UNC5A: variants seen among roughly 807,000 people sequenced by gnomAD.
UNC5A encodes netrin receptor UNC5A.
A neutral mutation model predicts 87.4 loss-of-function variants in UNC5A; 20 were observed. That is an observed-to-expected ratio of 0.23 (90% CI 0.16 to 0.33). UNC5A has a LOEUF of 0.33. Ranked by LOEUF, UNC5A falls within the 10% of genes least tolerant of loss-of-function variation. UNC5A has a pLI of 1.00. For missense variants in UNC5A, 844 were observed against 1,133.4 expected (o/e 0.74, Z 3.67); for synonymous variants, 438 against 482.3 (o/e 0.91, Z 1.20).
At position 176,843,295 on chromosome 5, in the gene UNC5A, C is replaced by T. The variant is rs495362; in HGVS notation, c.71-19329C>T. On this transcript the variant is annotated intron_variant, in intron 1 of 14. Transcript: ENST00000329542. ...GGGGCACTGCCCAGCAGGGGAAGGACGCTGCCGTGGGTTCAGGCCACTCAG... is the reference window on the plus strand; with the variant it reads ...GGGGCACTGCCCAGCAGGGGAAGGATGCTGCCGTGGGTTCAGGCCACTCAG... 8.2e-3 allele frequency among the ~76,000 whole-genome samples: 1,246 copies of T among 152,336 alleles called. 15 individuals carry two copies. The highest frequency in any genetic ancestry group is 0.028 in the African/African-American group (1,160 of 41,576).
chr5:176,867,402 C>G (rs1414358354), intron 2 of UNC5A, among the ~76,000 whole-genome samples: 1 of 152,136 alleles, frequency 6.6e-6, no homozygotes, highest in Non-Finnish European at 1.5e-5. Flanking sequence ...GTCCTAGACC[C>G]CCAGCTCCCC....
chr5:176,855,414 TGG>T (rs1452849887), intron 1 of UNC5A, among the ~76,000 whole-genome samples: 1 of 151,972 alleles, frequency 6.6e-6, no homozygotes, highest in Non-Finnish European at 1.5e-5. Context: ...TTGGTGGGGA[TGG>T]GAGAGGGGGA....
Position 176,824,873 on chromosome 5 carries a change from C to G in UNC5A, c.70+14053C>G, listed in dbSNP as rs963291313. The stretch of plus-strand genomic sequence containing the variant: ...TCCGTATCCCCCACCCCATGCACCC[C>G]CAGTGCCTGCGCACTGCCCTCTCTT... On this transcript the variant is annotated intron_variant, in intron 1 of 14. Coordinates refer to ENST00000329542, the MANE Select transcript of UNC5A (RefSeq NM_133369.3). This position sits in a 1 kb window ranked among gnomAD's most constrained non-coding sequence, Gnocchi z 4.2. Among the ~76,000 whole-genome samples, 1 of 152,134 alleles carries G rather than the reference C, an allele frequency of 6.6e-6. No homozygotes were observed. The highest frequency in any genetic ancestry group is 1.5e-5 in the Non-Finnish European group (1 of 68,016).
chr5:176,821,185 C>T (rs1187504217), intron 1 of UNC5A, among the ~76,000 whole-genome samples: 1 of 152,238 alleles, frequency 6.6e-6, no homozygotes, highest in Non-Finnish European at 1.5e-5. Context: ...CCACAAGCCT[C>T]ACGCCGCTGC....
rs770940383 is a variant in UNC5A at position 176,878,390 on chromosome 5, C to T, written c.2016C>T (p.Tyr672=). Residue 672 remains tyrosine, a synonymous_variant, in exon 12 of 15, where the codon TAC becomes TAT. Transcript: ENST00000329542. Reference sequence around the variant, plus strand: ...GGAAGAGTAAGCTCCTTGTCAGCTACCAGGTGAGGGCCAGGGCCGTGGCCA... The same window carrying T: ...GGAAGAGTAAGCTCCTTGTCAGCTATCAGGTGAGGGCCAGGGCCGTGGCCA... ...SLWKSKLLVS[Y]QEIPFYHIWN... 9.3e-6 allele frequency: 15 copies of T among 1,613,412 alleles called. No homozygotes were observed. Among genetic ancestry groups the T allele is most frequent in the Middle Eastern group, 3.3e-4 (2 of 6,084 alleles).
At chr5:176,839,742 C>T (rs567692417) in intron 1 of UNC5A, among the ~76,000 whole-genome samples, 91 of 151,642 alleles carry the variant, frequency 6.0e-4, no homozygotes, top group Admixed American at 1.4e-3. Context: ...CAGCAGATAC[C>T]GCAAGCGAAG....
chr5:176,877,404 A>C (rs1758289385), intron 9 of UNC5A, 125 bp downstream of exon 9: 9 of 1,328,730 alleles, frequency 6.8e-6, no homozygotes, highest in Non-Finnish European at 9.3e-6. Context: ...AGCTATGCCT[A>C]AGCCCCACGT....
At chr5:176,821,288 G>A (rs966292950) in intron 1 of UNC5A, among the ~76,000 whole-genome samples, 3 of 152,226 alleles carry the variant, frequency 2.0e-5, no homozygotes, top group Non-Finnish European at 4.4e-5. Context: ...TGTTGGGCAT[G>A]TCTGGTCAGA....
intron 1 of UNC5A, among the ~76,000 whole-genome samples, chr5:176,827,888 C>T (rs1756893004): frequency 6.6e-6 from 1 of 152,158 alleles, no homozygotes; most frequent in Non-Finnish European, 1.5e-5. Flanking sequence ...CTGTGCGTGG[C>T]CACCAGGTTA....
chr5:176,835,010 A>G (rs1444519368), intron 1 of UNC5A, among the ~76,000 whole-genome samples: 1 of 152,166 alleles, frequency 6.6e-6, no homozygotes, highest in Non-Finnish European at 1.5e-5. Flanking sequence ...GCTGTGGGAG[A>G]CACATGCCTG....
In UNC5A at chr5:176,844,822, A is replaced by C. The variant is rs1357311989; in HGVS notation, c.71-17802A>C. Among the ~76,000 whole-genome samples the C allele has an allele frequency of 1.3e-5, 2 of 152,026 alleles. No individual in the cohort carries two copies. The highest frequency in any genetic ancestry group is 2.9e-5 in the Non-Finnish European group (2 of 67,986). ...CTCTCCACCCTCCAGCACTGCTTGC[A>C]GTGGATCGTGGAAGTCGGTCCTCGG... On this transcript the variant is annotated intron_variant, in intron 1 of 14. Coordinates refer to ENST00000329542, the MANE Select transcript of UNC5A (RefSeq NM_133369.3). The surrounding 1 kb of genome is among the most constrained non-coding windows in gnomAD (Gnocchi z 4.2).
At chr5:176,868,713 CA>C (rs1370488188) in intron 4 of UNC5A, 49 bp downstream of exon 4, 13 of 1,588,196 alleles carry the variant, frequency 8.2e-6, no homozygotes, top group Non-Finnish European at 1.0e-5. Context: ...CCTGCCTGGT[CA>C]CCCTGGCAGG....
chr5:176,817,320 C>T lies in UNC5A; in HGVS notation c.70+6500C>T, dbSNP rs545230583. On this transcript the variant is annotated intron_variant, in intron 1 of 14. Coordinates refer to ENST00000329542, the MANE Select transcript of UNC5A (RefSeq NM_133369.3). ...GGCCGGGGGAATCTGTCTAGATTGA[C>T]AGCACCTGAAGCGCCTTGGGGAGGG... Among the ~76,000 whole-genome samples, 9 of 152,144 alleles carry T rather than the reference C, an allele frequency of 5.9e-5. No individual in the cohort carries two copies. In the East Asian group the frequency reaches 1.6e-3, roughly 26 times the overall value.
intron 1 of UNC5A, among the ~76,000 whole-genome samples, chr5:176,834,603 T>C (rs1326887624): frequency 6.6e-6 from 1 of 151,782 alleles, no homozygotes; most frequent in Non-Finnish European, 1.5e-5. Flanking sequence ...GAGACATATT[T>C]ACCTAGTGGC....
chr5:176,830,848 G>A (rs1406996538), intron 1 of UNC5A, among the ~76,000 whole-genome samples: 1 of 150,010 alleles, frequency 6.7e-6, no homozygotes, highest in Non-Finnish European at 1.5e-5. Context: ...GCATGTGTGT[G>A]TGCTGGCGTG....
intron 1 of UNC5A, among the ~76,000 whole-genome samples, chr5:176,830,487 G>GT: frequency 1.4e-5 from 2 of 143,400 alleles, no homozygotes; most frequent in Non-Finnish European, 3.1e-5. Flanking sequence ...TGTGTGTGCC[G>GT]GCGTATGTGT....
intron 1 of UNC5A, among the ~76,000 whole-genome samples, chr5:176,846,336 T>C (rs1581258258): frequency 7.0e-6 from 1 of 142,144 alleles, no homozygotes; most frequent in Non-Finnish European, 1.5e-5. Flanking sequence ...TTGTAGGAGG[T>C]GGAGCCAGGA....
chr5:176,856,926 C>G (rs919070460), intron 1 of UNC5A, among the ~76,000 whole-genome samples: 8 of 152,322 alleles, frequency 5.3e-5, no homozygotes, highest in Admixed American at 6.5e-5. Context: ...AAACACGTCT[C>G]GCCCTCACTC....
chr5:176,857,789 C>A (rs1757703205), intron 1 of UNC5A, among the ~76,000 whole-genome samples: 1 of 152,228 alleles, frequency 6.6e-6, no homozygotes. Context: ...TCCTGGTGAC[C>A]AAGCGCCCGT....
Sources: gnomAD v4.1 joint callset for allele counts (sites outside exome capture counted in the v4.1 genomes callset) on GRCh38, gnomAD v4.1.1 for gene constraint, Gnocchi (gnomAD v3.1) non-coding constraint, MANE v1.5 for transcripts, NCBI Gene and HGNC (gene_info 2026-07-23, HGNC 2026-07-21) for gene names.